Variants in NETO1 observed in about 807,000 individuals in gnomAD.
The protein encoded by NETO1 is neuropilin and tolloid-like protein 1.
Under a neutral mutation model 61.3 loss-of-function variants are expected in NETO1, and 26 were observed. That is an observed-to-expected ratio of 0.42 (90% CI 0.31 to 0.59). The LOEUF (loss-of-function observed/expected upper bound fraction) is 0.59, where lower values mean the gene tolerates loss of function less well. Ranked by LOEUF, NETO1 falls within the 20% of genes least tolerant of loss-of-function variation. The probability of loss-of-function intolerance (pLI) is 0.12; values close to 1 mark genes in which losing one functional copy is unlikely to be tolerated. For missense variants in NETO1, 531 were observed against 662.8 expected (o/e 0.80, Z 2.18); for synonymous variants, 225 against 225.8 (o/e 1.00, Z 0.03).
At chr18:72,819,127 T>G (rs771019878) in intron 4 of NETO1, among the ~76,000 whole-genome samples, 40 of 152,242 alleles carry the variant, frequency 2.6e-4, no homozygotes, top group Middle Eastern at 6.8e-3. Flanking sequence ...CTTCCCACCT[T>G]CTGTCTGTCT....
chr18:72,845,385 G>A (rs1266929484), intron 4 of NETO1, among the ~76,000 whole-genome samples: 1 of 152,074 alleles, frequency 6.6e-6, no homozygotes, highest in East Asian at 1.9e-4. Context: ...TGTAGTCCAT[G>A]TTTAACTATG....
intron 7 of NETO1, among the ~76,000 whole-genome samples, chr18:72,780,290 T>C (rs1405942049): frequency 1.3e-5 from 2 of 152,300 alleles, no homozygotes; most frequent in African/African-American, 2.4e-5. Context: ...GATGGGTGCC[T>C]CTGTAGGAAG....
At chr18:72,808,251 T>C (rs1040509448) in intron 4 of NETO1, among the ~76,000 whole-genome samples, 9 of 152,218 alleles carry the variant, frequency 5.9e-5, no homozygotes, top group Non-Finnish European at 1.3e-4. Flanking sequence ...TGAGCTTTTA[T>C]GCCCAGAAAA....
intron 4 of NETO1, chr18:72,834,755 A>T (rs1283809455): frequency 2.0e-6 from 2 of 984,982 alleles, no homozygotes; most frequent in Admixed American, 1.2e-4. Context: ...AATGTGTTAA[A>T]TACATGTTAA....
chr18:72,826,271 C>T (rs934869571), intron 4 of NETO1, among the ~76,000 whole-genome samples: 23 of 152,016 alleles, frequency 1.5e-4, no homozygotes, highest in African/African-American at 4.1e-4. Flanking sequence ...GATTTTTATC[C>T]TAAATTATAA....
chr18:72,802,128 T>C (rs1185978010), intron 4 of NETO1, among the ~76,000 whole-genome samples: 1 of 151,944 alleles, frequency 6.6e-6, no homozygotes, highest in African/African-American at 2.4e-5. Flanking sequence ...TTCTGAAAGT[T>C]TGATTGAAGA....
chr18:72,775,846 G>T lies in NETO1; in HGVS notation c.868+7832C>A, dbSNP rs74486229. Among the ~76,000 whole-genome samples the T allele has an allele frequency of 3.3e-5, 5 of 152,072 alleles. No individual in the cohort carries two copies. The East Asian group carries it at 5.8e-4, about 18-fold the overall frequency. ...GTGGGGAAAGTCAATTAACTTCAAT[G>T]AACCCTTTTTTTTTCTGTTTGAATT... On this transcript the variant is annotated intron_variant, in intron 7 of 10. Coordinates refer to ENST00000327305, the MANE Select transcript of NETO1 (RefSeq NM_138966.5).
intron 4 of NETO1, among the ~76,000 whole-genome samples, chr18:72,806,564 A>C (rs1260442906): frequency 6.6e-6 from 1 of 152,132 alleles, no homozygotes. Flanking sequence ...CATCACCCCT[A>C]TTCATAGTAG....
chr18:72,867,372 AG>A lies in NETO1; in HGVS notation c.-82del. On this transcript the variant is annotated 5_prime_UTR_variant, in exon 1 of 11. Transcript: ENST00000327305. ...AGACTTCCAGTGGCGGGGGGAGGAC[AG>A]GGTCGAGAGGTGTTAAAGACGCAAA... 1 of 1,155,630 alleles carries A rather than the reference AG, an allele frequency of 8.7e-7. No individual in the cohort carries two copies. Among genetic ancestry groups the A allele is most frequent in the Non-Finnish European group, 1.2e-6 (1 of 831,908 alleles). The allele number at this position is 1,155,630 out of a possible 1,614,324, so 71.6% of individuals were successfully genotyped here. A position where few individuals can be genotyped will look rare whatever the true frequency, so the allele number is the denominator to read the frequency against.
rs148558637 is a variant in NETO1, at chr18:72,824,857, C to T, written c.470-30453G>A. On this transcript the variant is annotated intron_variant, in intron 4 of 10. Coordinates refer to ENST00000327305, the MANE Select transcript of NETO1 (RefSeq NM_138966.5). ...TCACTGCACTGCACTCCAGCCTGCG[C>T]GACAGAGTGAGACTCGGTCTCAAAC... Among the ~76,000 whole-genome samples the T allele has an allele frequency of 9.9e-5, 15 of 151,642 alleles. No homozygotes were observed. In the East Asian group the frequency reaches 1.9e-3, roughly 20 times the overall value.
chr18:72,772,003 T>G (rs1389919732), intron 7 of NETO1, among the ~76,000 whole-genome samples: 1 of 152,116 alleles, frequency 6.6e-6, no homozygotes, highest in Admixed American at 6.6e-5. Context: ...TGGGTTCTCA[T>G]GAAAAATGTG....
At chr18:72,748,193 T>A (rs1387635965) in intron 10 of NETO1, 29 bp from the exon 11 acceptor site, 1 of 983,128 alleles carries the variant, frequency 1.0e-6, no homozygotes, top group Non-Finnish European at 1.2e-6. Flanking sequence ...TAAAACATTT[T>A]CTCCCAATGA....
intron 4 of NETO1, among the ~76,000 whole-genome samples, chr18:72,828,741 G>C (rs1599096099): frequency 6.6e-6 from 1 of 152,218 alleles, no homozygotes; most frequent in East Asian, 1.9e-4. Context: ...GCCACAGAAA[G>C]AAAAGCCATG....
chr18:72,848,150 C>A (rs2074144502), intron 4 of NETO1, among the ~76,000 whole-genome samples: 1 of 152,198 alleles, frequency 6.6e-6, no homozygotes. Context: ...ATCAAGTCAA[C>A]TTGATGGCGA....
At chr18:72,796,471 TA>T (rs757465061) in intron 4 of NETO1, among the ~76,000 whole-genome samples, 3 of 152,220 alleles carry the variant, frequency 2.0e-5, no homozygotes, top group Non-Finnish European at 2.9e-5. Flanking sequence ...AAGCTGTTTT[TA>T]AAATAGATTT....
chr18:72,783,743 C>T lies in NETO1; in HGVS notation c.803G>A (p.Arg268His), dbSNP rs370635787. The T allele has an allele frequency of 5.0e-6, 8 of 1,613,996 alleles. No individual in the cohort carries two copies. The highest frequency in any genetic ancestry group is 5.9e-6 in the Non-Finnish European group (7 of 1,180,024). ...VMLRTGLGVI[R>H]MWADEGSRNS... The stretch of plus-strand genomic sequence containing the variant: ...TCGACTGCCCTCATCTGCCCACATG[C>T]GGATCACCCCAAGACCCGTGCGTAG... The change falls in exon 7 of 11, where the codon CGC becomes CAC. Residue 268 changes from arginine to histidine, a missense_variant. Coordinates refer to ENST00000327305, the MANE Select transcript of NETO1 (RefSeq NM_138966.5).
At chr18:72,783,931 T>C (rs1014387988) in intron 6 of NETO1, 25 bp from the exon 7 acceptor site, 1 of 1,522,350 alleles carries the variant, frequency 6.6e-7, no homozygotes, top group Non-Finnish European at 9.1e-7. Context: ...TAAAATAATT[T>C]CCACATATCA....
At chr18:72,824,594 G>A (rs1395194756) in intron 4 of NETO1, among the ~76,000 whole-genome samples, 1 of 152,142 alleles carries the variant, frequency 6.6e-6, no homozygotes, top group Non-Finnish European at 1.5e-5. Context: ...GCCGGGCGTG[G>A]TGGCTCACGC....
At chr18:72,795,015 A>G (rs2072262517) in intron 4 of NETO1, among the ~76,000 whole-genome samples, 1 of 152,176 alleles carries the variant, frequency 6.6e-6, no homozygotes, top group Non-Finnish European at 1.5e-5. Flanking sequence ...AGCATTCCTC[A>G]GTATTCTAGT....
Sources: gnomAD v4.1 joint callset for allele counts (sites outside exome capture counted in the v4.1 genomes callset) on GRCh38, gnomAD v4.1.1 for gene constraint, MANE v1.5 for transcripts, NCBI Gene and HGNC (gene_info 2026-07-23, HGNC 2026-07-21) for gene names.